The following PLCE1 variants were observed in gnomAD, a reference collection of about 807,000 sequenced individuals.
PLCE1 encodes phospholipase C epsilon 1.
A neutral mutation model predicts 242.8 loss-of-function variants in PLCE1; 119 were observed. That is an observed-to-expected ratio of 0.49 (90% CI 0.42 to 0.57). PLCE1 has a LOEUF of 0.57. Among genes scored for constraint, PLCE1 ranks in the 20% least tolerant of loss-of-function variants. The probability of loss-of-function intolerance (pLI) is 0.00; values close to 1 mark genes in which losing one functional copy is unlikely to be tolerated. For missense variants in PLCE1, 2,441 were observed against 2,788.8 expected, an observed-to-expected ratio of 0.88 and a Z score of 2.81; for synonymous variants, 945 against 1,017.4, an observed-to-expected ratio of 0.93 and a Z score of 1.35.
rs576591140 is a variant in PLCE1, at chr10:94,298,211, C to T, written c.5168-168C>T. On this transcript the variant is annotated intron_variant, in intron 23 of 32. Transcript: ENST00000371380. This position sits in a 1 kb window ranked among gnomAD's most constrained non-coding sequence, Gnocchi z 5.2. ...CCACACTCATTTTAAAACTAAGTAG[C>T]CACCATGTTGTTTTAAAGTGGCGAA... Among the ~76,000 whole-genome samples the T allele has an allele frequency of 6.5e-4, 99 of 152,140 alleles. No homozygotes were observed. The highest frequency in any genetic ancestry group is 2.3e-3 in the African/African-American group (94 of 41,508).
chr10:94,332,567 A>G lies in PLCE1; in HGVS notation c.*4624A>G, dbSNP rs532619455. 8 of 151,954 alleles carry G rather than the reference A, an allele frequency of 5.3e-5. 1 individual carries two copies. The South Asian group carries it at 1.7e-3, about 32-fold the overall frequency. 9.4% of individuals were successfully genotyped at this position (151,954 alleles called of 1,614,324 possible). The stretch of plus-strand genomic sequence containing the variant: ...TGTGTGTTTAAACATAAGCTTACAT[A>G]TAAGCGTATGTAAGTTAATGCACAA... On this transcript the variant is annotated 3_prime_UTR_variant, in exon 33 of 33. Transcript: ENST00000371380.
intron 4 of PLCE1, among the ~76,000 whole-genome samples, chr10:94,179,484 A>G (rs1490377600): frequency 8.1e-6 from 1 of 124,048 alleles, no homozygotes; most frequent in African/African-American, 3.0e-5. Flanking sequence ...CTAACCCTTC[A>G]TCTTTATCTT....
intron 32 of PLCE1, among the ~76,000 whole-genome samples, chr10:94,327,183 C>T (rs1193449974): frequency 1.3e-5 from 2 of 152,180 alleles, no homozygotes; most frequent in Admixed American, 6.5e-5. Context: ...AGGGAGGCTT[C>T]TCTTATAGTC....
chr10:94,245,868 C>T (rs1275701939), intron 7 of PLCE1, 78 bp from the exon 8 acceptor site: 8 of 1,084,472 alleles, frequency 7.4e-6, no homozygotes, highest in African/African-American at 1.5e-5. Context: ...AAAAATAAAG[C>T]CCAGTGTCAG....
chr10:94,106,988 C>G (rs1405185892), intron 2 of PLCE1: 1 of 138,370 alleles, frequency 7.2e-6, no homozygotes, highest in Non-Finnish European at 1.5e-5. Flanking sequence ...CTTCCCCTCT[C>G]CCCTCTGCTT....
intron 4 of PLCE1, among the ~76,000 whole-genome samples, chr10:94,199,335 C>A (rs2136734027): frequency 6.6e-6 from 1 of 152,308 alleles, no homozygotes; most frequent in Non-Finnish European, 1.5e-5. Context: ...ATTCCAGTTG[C>A]TCCATATCCA....
chr10:94,052,642 T>C (rs1249932737), intron 2 of PLCE1, among the ~76,000 whole-genome samples: 1 of 152,204 alleles, frequency 6.6e-6, no homozygotes, highest in Non-Finnish European at 1.5e-5. Context: ...TTTCTTTCTT[T>C]TTCTTTTTTT....
rs2052819393 is a variant in PLCE1 at position 94,296,443 on chromosome 10, CT to C, written c.5168-1934del. ...GATCTTAGCTAGAACTTACGAATAA[CT>C]TACTGTAGCTTCTCCATCAGTACTT... On this transcript the variant is annotated intron_variant, in intron 23 of 32. Transcript: ENST00000371380. Among the ~76,000 whole-genome samples, 4 of 151,786 alleles carry C rather than the reference CT, an allele frequency of 2.6e-5. No individual in the cohort carries two copies. The South Asian group carries it at 8.3e-4, about 32-fold the overall frequency.
At chr10:94,053,297 G>A (rs1289822346) in intron 2 of PLCE1, among the ~76,000 whole-genome samples, 1 of 152,152 alleles carries the variant, frequency 6.6e-6, no homozygotes, top group African/African-American at 2.4e-5. Flanking sequence ...AAGCAACATG[G>A]CACATAGAAA....
At chr10:94,236,605 A>C (rs1450790616) in intron 7 of PLCE1, among the ~76,000 whole-genome samples, 1 of 152,172 alleles carries the variant, frequency 6.6e-6, no homozygotes, top group Non-Finnish European at 1.5e-5. Flanking sequence ...GGTGATTCTA[A>C]GTCGAGGGTT....
Position 94,030,908 on chromosome 10 carries a change from A to C in PLCE1, c.-139A>C. The C allele has an allele frequency of 1.2e-6, 1 of 823,362 alleles. No individual in the cohort carries two copies. The highest frequency in any genetic ancestry group is 2.1e-6 in the Non-Finnish European group (1 of 485,802). 51.0% of individuals were successfully genotyped at this position (823,362 alleles called of 1,614,324 possible). On this transcript the variant is annotated 5_prime_UTR_variant, in exon 2 of 33. Coordinates refer to ENST00000371380, the MANE Select transcript of PLCE1 (RefSeq NM_016341.4). ...ATTTGCCTCTTAATGCTCCTGAATG[A>C]AAGGAATTATCCCTTTGTTCTTTGG...
At chr10:94,026,936 T>G (rs1423234889) in intron 1 of PLCE1, among the ~76,000 whole-genome samples, 2 of 152,198 alleles carry the variant, frequency 1.3e-5, no homozygotes, top group Non-Finnish European at 2.9e-5. Flanking sequence ...TGCCTTGAAT[T>G]TTTGGATTTC....
At chr10:94,153,494 C>T (rs138392544) in intron 3 of PLCE1, among the ~76,000 whole-genome samples, 118 of 152,192 alleles carry the variant, frequency 7.8e-4, no homozygotes, top group African/African-American at 2.6e-3. Context: ...AAAAACTTTC[C>T]GCCTAAGATC....
chr10:94,296,476 A>G (rs1461974103), intron 23 of PLCE1, among the ~76,000 whole-genome samples: 3 of 152,068 alleles, frequency 2.0e-5, no homozygotes, highest in Non-Finnish European at 2.9e-5. Context: ...ACTTGCTGAT[A>G]TTATGTTATG....
chr10:94,052,743 G>A (rs1049966857), intron 2 of PLCE1, among the ~76,000 whole-genome samples: 4 of 152,092 alleles, frequency 2.6e-5, no homozygotes, highest in Admixed American at 6.5e-5. Context: ...GGGAATAAAG[G>A]TAGTGAGCAT....
chr10:94,331,853 T>G lies in PLCE1; in HGVS notation c.*3910T>G, dbSNP rs925012669. The G allele has an allele frequency of 2.0e-5, 3 of 150,502 alleles. No individual in the cohort carries two copies. The highest frequency in any genetic ancestry group is 7.4e-5 in the African/African-American group (3 of 40,798). The allele number at this position is 150,502 out of a possible 1,614,324, so 9.3% of individuals were successfully genotyped here. On this transcript the variant is annotated 3_prime_UTR_variant, in exon 33 of 33. Coordinates refer to ENST00000371380, the MANE Select transcript of PLCE1 (RefSeq NM_016341.4). ...CTTTGAAACACATACTGAGTCTCTA[T>G]GATTACCAAGTTATTCTTTTTTTTT...
chr10:94,051,286 C>CAAAAA (rs869233995), intron 2 of PLCE1, among the ~76,000 whole-genome samples: 9,757 of 29,328 alleles, frequency 0.33, 2,076 homozygotes, highest in East Asian at 0.39. Context: ...GACTCCAACT[C>CAAAAA]AAAAAAAAAA....
intron 2 of PLCE1, among the ~76,000 whole-genome samples, chr10:94,051,228 GC>G (rs1175025724): frequency 8.2e-6 from 1 of 121,394 alleles, no homozygotes; most frequent in Non-Finnish European, 1.6e-5. Flanking sequence ...CAAAATTCAA[GC>G]CAAACAAATA....
intron 1 of PLCE1, among the ~76,000 whole-genome samples, chr10:94,030,313 G>A (rs1362151636): frequency 6.6e-6 from 1 of 151,090 alleles, no homozygotes; most frequent in Non-Finnish European, 1.5e-5. Flanking sequence ...TCCTTGCCTT[G>A]TTGCCTGGAA....
Sources: allele counts gnomAD v4.1 joint callset (sites outside exome capture counted in the v4.1 genomes callset), GRCh38; gene constraint gnomAD v4.1.1; non-coding constraint Gnocchi (gnomAD v3.1); transcripts MANE v1.5; gene names NCBI Gene and HGNC (gene_info 2026-07-23, HGNC 2026-07-21).